The following SUGCT variants were observed in gnomAD, a reference collection of about 807,000 sequenced individuals.
The protein encoded by SUGCT is succinyl-CoA:glutarate CoA-transferase.
SUGCT carries 41 observed loss-of-function variants against 55.0 expected under a neutral mutation model. The observed-to-expected ratio is 0.74, with a 90% CI of 0.58 to 0.97. The LOEUF (loss-of-function observed/expected upper bound fraction) is 0.97. Ranked by LOEUF, SUGCT falls within the 50% of genes least tolerant of loss-of-function variation. The pLI is 0.00. For synonymous variants in SUGCT, 187 were observed against 200.4 expected, an observed-to-expected ratio of 0.93 and a Z score of 0.56; for missense variants, 568 against 547.8, an observed-to-expected ratio of 1.04 and a Z score of -0.37.
chr7:40,793,588 T>C (rs1790418163), intron 13 of SUGCT, among the ~76,000 whole-genome samples: 1 of 152,134 alleles, frequency 6.6e-6, no homozygotes, highest in Non-Finnish European at 1.5e-5. Flanking sequence ...ACTTGTTAGT[T>C]TTGTTTTTGC....
chr7:40,634,145 A>C (rs943146472), intron 12 of SUGCT, among the ~76,000 whole-genome samples: 2 of 152,178 alleles, frequency 1.3e-5, no homozygotes, highest in African/African-American at 4.8e-5. Flanking sequence ...AGGAAAAAAA[A>C]CACTTAAAAA....
At chr7:40,898,699 A>T in the SUGCT span, among the ~76,000 whole-genome samples, 3 of 148,424 alleles carry the variant, frequency 2.0e-5, no homozygotes, top group Non-Finnish European at 4.5e-5. Flanking sequence ...ACTCCGTCTA[A>T]AAAAAAAAAA....
chr7:40,807,369 G>A (rs1371096535), intron 13 of SUGCT, among the ~76,000 whole-genome samples: 1 of 152,156 alleles, frequency 6.6e-6, no homozygotes, highest in Non-Finnish European at 1.5e-5. Context: ...AGGTCTCACA[G>A]GATAAAACTG....
intron 12 of SUGCT, among the ~76,000 whole-genome samples, chr7:40,611,963 A>G (rs1274175153): frequency 6.6e-6 from 1 of 151,726 alleles, no homozygotes; most frequent in African/African-American, 2.4e-5. Flanking sequence ...TTAATATTTT[A>G]TAAATTTATG....
chr7:40,941,968 G>A, the SUGCT span, among the ~76,000 whole-genome samples: 7 of 152,048 alleles, frequency 4.6e-5, no homozygotes, highest in East Asian at 9.7e-4. Flanking sequence ...TTATGTGTTA[G>A]TGAGTCTCTT....
intron 12 of SUGCT, among the ~76,000 whole-genome samples, chr7:40,688,244 A>G (rs1252222106): frequency 6.6e-6 from 1 of 152,178 alleles, no homozygotes; most frequent in Admixed American, 6.5e-5. Context: ...TTGGAGACCC[A>G]GTCTTTCTCT....
At chr7:40,249,333 AT>A (rs1790174495) in intron 7 of SUGCT, among the ~76,000 whole-genome samples, 2 of 121,114 alleles carry the variant, frequency 1.7e-5, no homozygotes, top group African/African-American at 6.6e-5. Context: ...ATATATATAT[AT>A]ATATATATAT....
intron 7 of SUGCT, among the ~76,000 whole-genome samples, chr7:40,270,490 C>T (rs948268067): frequency 6.6e-6 from 1 of 152,116 alleles, no homozygotes; most frequent in African/African-American, 2.4e-5. Context: ...TTTGTAAAGA[C>T]TCTTCCAATT....
Position 40,650,088 on chromosome 7 carries a change from A to G in SUGCT, c.1090-99346A>G, listed in dbSNP as rs118144123. ...ATTTGAAATCAGGGTTCATTTCCTC[A>G]TAAGATGTTGGACTAAGGGCCTCAG... On this transcript the variant is annotated intron_variant, in intron 12 of 13. Transcript: ENST00000335693. Among the ~76,000 whole-genome samples the G allele has an allele frequency of 3.5e-3, 533 of 152,270 alleles. 8 individuals carry two copies. Among genetic ancestry groups the G allele is most frequent in the East Asian group, 0.031 (159 of 5,174 alleles).
intron 12 of SUGCT, among the ~76,000 whole-genome samples, chr7:40,634,265 G>T (rs576350118): frequency 2.0e-5 from 3 of 152,222 alleles, no homozygotes; most frequent in African/African-American, 7.2e-5. Flanking sequence ...GCACTGAGAC[G>T]GGAAAGAGGG....
At chr7:41,009,765 A>G in the SUGCT span, among the ~76,000 whole-genome samples, 1 of 152,160 alleles carries the variant, frequency 6.6e-6, no homozygotes, top group South Asian at 2.1e-4. Flanking sequence ...TAAAAGCTAT[A>G]GTACAATGTT....
chr7:40,382,612 A>G (rs1784925965), intron 9 of SUGCT, among the ~76,000 whole-genome samples: 1 of 152,198 alleles, frequency 6.6e-6, no homozygotes, highest in Admixed American at 6.5e-5. Flanking sequence ...TATGTTTAGG[A>G]AGGAGTTGGA....
At chr7:40,713,992 T>C (rs1785874036) in intron 12 of SUGCT, among the ~76,000 whole-genome samples, 1 of 152,230 alleles carries the variant, frequency 6.6e-6, no homozygotes, top group Non-Finnish European at 1.5e-5. Context: ...TTAAACTTTA[T>C]GTCAGTTTCC....
In SUGCT at chr7:40,665,068, C is replaced by T. The variant is rs192832239; in HGVS notation, c.1090-84366C>T. Reference sequence around the variant, plus strand: ...GTCCACTGTAATTATTTTACTAATGCTGTATTATTGAACACCCTGGGGAAT... The same window carrying T: ...GTCCACTGTAATTATTTTACTAATGTTGTATTATTGAACACCCTGGGGAAT... On this transcript the variant is annotated intron_variant, in intron 12 of 13. Transcript: ENST00000335693. Among the ~76,000 whole-genome samples the T allele has an allele frequency of 5.3e-5, 8 of 151,822 alleles. No homozygotes were observed. The East Asian group carries it at 1.6e-3, about 29-fold the overall frequency.
intron 12 of SUGCT, among the ~76,000 whole-genome samples, chr7:40,560,262 A>G (rs575828385): frequency 6.4e-4 from 97 of 152,268 alleles, no homozygotes; most frequent in African/African-American, 2.3e-3. Flanking sequence ...ACACATGTGC[A>G]TGCATGCATG....
chr7:40,901,081 T>G, the SUGCT span, among the ~76,000 whole-genome samples: 1 of 152,326 alleles, frequency 6.6e-6, no homozygotes, highest in South Asian at 2.1e-4. Flanking sequence ...GGTTTTCATC[T>G]TGTGATTCAT....
At chr7:40,959,385 G>A in the SUGCT span, among the ~76,000 whole-genome samples, 1 of 152,220 alleles carries the variant, frequency 6.6e-6, no homozygotes, top group Non-Finnish European at 1.5e-5. Flanking sequence ...GGAATCTAGA[G>A]AGGCAGTTTG....
the SUGCT span, among the ~76,000 whole-genome samples, chr7:41,024,939 A>G: frequency 2.0e-5 from 3 of 152,262 alleles, no homozygotes; most frequent in Admixed American, 2.0e-4. Flanking sequence ...GGCGTGTATA[A>G]GTTGTCCTAT....
chr7:40,666,208 G>A (rs1801619362), intron 12 of SUGCT, among the ~76,000 whole-genome samples: 1 of 151,832 alleles, frequency 6.6e-6, no homozygotes, highest in Non-Finnish European at 1.5e-5. Flanking sequence ...AAATTAGCTG[G>A]GTGTGGTGGC....
Sources: allele counts gnomAD v4.1 joint callset (sites outside exome capture counted in the v4.1 genomes callset), GRCh38; gene constraint gnomAD v4.1.1; transcripts MANE v1.5; gene names NCBI Gene and HGNC (gene_info 2026-07-23, HGNC 2026-07-21).